VAC14: variants seen among roughly 807,000 people sequenced by gnomAD.
The protein encoded by VAC14 is VAC14 component of PIKFYVE complex.
In VAC14, 47 loss-of-function variants were observed where a neutral mutation model predicts 85.3. That is an observed-to-expected ratio of 0.55 (90% confidence interval 0.44 to 0.70). VAC14 has a LOEUF of 0.70. Ranked by LOEUF, VAC14 falls within the 30% of genes least tolerant of loss-of-function variation. VAC14 has a pLI of 0.00. For missense variants in VAC14, 861 were observed against 1,004.3 expected, an observed-to-expected ratio of 0.86 and a Z score of 1.93; for synonymous variants, 447 against 430.5, an observed-to-expected ratio of 1.04 and a Z score of -0.47.
intron 16 of VAC14, among the ~76,000 whole-genome samples, chr16:70,696,252 C>T (rs1040472797): frequency 5.3e-5 from 8 of 152,202 alleles, no homozygotes; most frequent in Admixed American, 3.3e-4. Context: ...GTGGCTCACA[C>T]CTGTAATCCC....
chr16:70,700,929 G>A (rs910230700), intron 14 of VAC14, among the ~76,000 whole-genome samples: 1 of 152,254 alleles, frequency 6.6e-6, no homozygotes, highest in African/African-American at 2.4e-5. Context: ...TGGCAGCAGA[G>A]GGCAGGGTGG....
chr16:70,738,803 C>T (rs1220858918), intron 13 of VAC14, among the ~76,000 whole-genome samples: 1 of 152,200 alleles, frequency 6.6e-6, no homozygotes, highest in African/African-American at 2.4e-5. Flanking sequence ...TAAACTTGGC[C>T]TGTGTGGCCT....
At chr16:70,782,090 G>A in intron 7 of VAC14, 87 bp from the exon 8 acceptor site, 1 of 1,522,060 alleles carries the variant, frequency 6.6e-7, no homozygotes, top group South Asian at 1.3e-5. Context: ...GGATGGGGCT[G>A]GCGGCCTGTG....
chr16:70,721,768 C>A (rs1024225206), intron 14 of VAC14, among the ~76,000 whole-genome samples: 1 of 152,024 alleles, frequency 6.6e-6, no homozygotes, highest in Non-Finnish European at 1.5e-5. Flanking sequence ...TGCGGGCTGG[C>A]GGATCTGGCG....
At chr16:70,739,308 G>T (rs1297831790) in intron 13 of VAC14, among the ~76,000 whole-genome samples, 6 of 152,354 alleles carry the variant, frequency 3.9e-5, no homozygotes, top group Admixed American at 3.9e-4. Context: ...GTGAGTGGGA[G>T]GAAGGGGCTT....
chr16:70,756,722 C>G (rs1018626784), intron 12 of VAC14, among the ~76,000 whole-genome samples: 1 of 152,188 alleles, frequency 6.6e-6, no homozygotes, highest in Admixed American at 6.5e-5. Context: ...TGGGGAGGCA[C>G]CGGGCCACCT....
At chr16:70,722,363 G>C (rs1363319204) in intron 14 of VAC14, among the ~76,000 whole-genome samples, 1 of 152,244 alleles carries the variant, frequency 6.6e-6, no homozygotes, top group Non-Finnish European at 1.5e-5. Flanking sequence ...CATCACCCCT[G>C]CTCAGAGACA....
At chr16:70,744,694 A>G (rs1328714488) in intron 12 of VAC14, 115 bp from the exon 13 acceptor site, 56 of 1,308,712 alleles carry the variant, frequency 4.3e-5, no homozygotes, top group Non-Finnish European at 5.5e-5. Flanking sequence ...GGGTCTGCAG[A>G]TGACAGCAGG....
rs2034047669 is a variant in VAC14 at position 70,786,197 on chromosome 16, C to T, written c.255+18G>A. 6.2e-7 allele frequency: 1 copy of T among 1,612,694 alleles called. No individual in the cohort carries two copies. Among genetic ancestry groups the T allele is most frequent in the South Asian group, 1.1e-5 (1 of 90,840 alleles). On this transcript the variant is annotated intron_variant, in intron 2 of 18. Coordinates refer to ENST00000261776, the MANE Select transcript of VAC14 (RefSeq NM_018052.5). Reference sequence around the variant, plus strand: ...AAGGCCAGGACTGGTATGTCTGTCCCTTGGGTGAAAGGCCCACCTTGCCCA... The same window carrying T: ...AAGGCCAGGACTGGTATGTCTGTCCTTTGGGTGAAAGGCCCACCTTGCCCA...
At position 70,783,546 on chromosome 16, in the gene VAC14, A is replaced by T; in HGVS notation, c.603T>A (p.Val201=). 1 of 1,613,746 alleles carries T rather than the reference A, an allele frequency of 6.2e-7. No homozygotes were observed. The highest frequency in any genetic ancestry group is 8.5e-7 in the Non-Finnish European group (1 of 1,180,026). The change falls in exon 6 of 19, where the codon GTT becomes GTA. Residue 201 remains valine, a synonymous_variant. Transcript: ENST00000261776. ...GGTTAATGTCTGGCACCGACTCCAG[A>T]ACCAGGATCTGACCAGGGGAAGGGA... ...ARQFIISWIL[V]LESVPDINLL...
chr16:70,710,726 C>A (rs557776338), intron 14 of VAC14, among the ~76,000 whole-genome samples: 1 of 152,396 alleles, frequency 6.6e-6, no homozygotes, highest in East Asian at 1.9e-4. Flanking sequence ...GCAGGGCCCA[C>A]ACTCGGCCCC....
At chr16:70,763,183 C>T (rs2032545966) in intron 10 of VAC14, among the ~76,000 whole-genome samples, 158 bp from the exon 11 acceptor site, 1 of 152,208 alleles carries the variant, frequency 6.6e-6, no homozygotes, top group African/African-American at 2.4e-5. Flanking sequence ...CCCACACATC[C>T]TTGCTGGTCT....
At chr16:70,735,608 TCCCAGCTGTGAATCA>T in intron 13 of VAC14, among the ~76,000 whole-genome samples, 1 of 152,218 alleles carries the variant, frequency 6.6e-6, no homozygotes, top group Non-Finnish European at 1.5e-5. Context: ...GTGCTGTTTT[TCCCAGCTGTGAATCA>T]CTCTATAAGG....
intron 14 of VAC14, among the ~76,000 whole-genome samples, chr16:70,728,414 C>T (rs938347204): frequency 2.6e-5 from 4 of 152,178 alleles, no homozygotes; most frequent in African/African-American, 9.7e-5. Flanking sequence ...CAGCTCCTGC[C>T]CAGCCCAGTG....
At chr16:70,719,149 C>T (rs2054230216) in intron 14 of VAC14, among the ~76,000 whole-genome samples, 1 of 152,140 alleles carries the variant, frequency 6.6e-6, no homozygotes, top group African/African-American at 2.4e-5. Flanking sequence ...TTTGCTTTTA[C>T]AAAGCACAAA....
chr16:70,774,803 G>A (rs932552522), intron 9 of VAC14, among the ~76,000 whole-genome samples: 45 of 138,020 alleles, frequency 3.3e-4, no homozygotes, highest in African/African-American at 1.3e-3. Context: ...AAGTGCAATG[G>A]CATGATCTTG....
rs950266579 is a variant in VAC14, at chr16:70,698,068, T to C, written c.1836+569A>G. 2.0e-5 allele frequency among the ~76,000 whole-genome samples: 3 copies of C among 152,188 alleles called. No homozygotes were observed. In the East Asian group the frequency reaches 5.8e-4, roughly 29 times the overall value. On this transcript the variant is annotated intron_variant, in intron 15 of 18. Transcript: ENST00000261776. ...AGTGAGAGTGAGTGAGTGTCCTTTC[T>C]GCTCTCTCTGACCAGTCGTTGGTGC...
chr16:70,705,294 G>C (rs1354530067), intron 14 of VAC14, among the ~76,000 whole-genome samples: 1 of 152,230 alleles, frequency 6.6e-6, no homozygotes, highest in African/African-American at 2.4e-5. Context: ...ACCCGTGGTG[G>C]GGGTGTTTTG....
chr16:70,759,989 G>A (rs1379657956), intron 12 of VAC14, among the ~76,000 whole-genome samples: 1 of 152,152 alleles, frequency 6.6e-6, no homozygotes, highest in African/African-American at 2.4e-5. Context: ...ACGACTCCCC[G>A]CAGAGAACCG....
Sources: allele counts gnomAD v4.1 joint callset (sites outside exome capture counted in the v4.1 genomes callset), GRCh38; gene constraint gnomAD v4.1.1; transcripts MANE v1.5; gene names NCBI Gene and HGNC (gene_info 2026-07-23, HGNC 2026-07-21).